The following UBR4 variants were observed in gnomAD, a reference collection of about 807,000 sequenced individuals.
UBR4 encodes E3 ubiquitin-protein ligase UBR4.
Under a neutral mutation model 575.6 loss-of-function variants are expected in UBR4, and 124 were observed. The ratio of observed to expected loss-of-function variants is 0.22; its 90% CI spans 0.19 to 0.25. UBR4 has a LOEUF of 0.25. UBR4 is among the 10% of genes least tolerant of loss of function. The pLI, the probability that UBR4 is intolerant of heterozygous loss-of-function variation, is 1.00. For missense variants in UBR4, 4,818 were observed against 6,478.8 expected, an observed-to-expected ratio of 0.74 and a Z score of 8.80; for synonymous variants, 2,455 against 2,473.7, an observed-to-expected ratio of 0.99 and a Z score of 0.22.
Position 19,166,651 on chromosome 1 carries a change from G to GAGGATCAC in UBR4, c.4109+363_4109+370dup, listed in dbSNP as rs1166364522. On this transcript the variant is annotated intron_variant, in intron 29 of 105. Coordinates refer to ENST00000375254, the MANE Select transcript of UBR4 (RefSeq NM_020765.3). ...CCAGCATTTTGGGAGGCCAAGATGGGAGGATCACTTGAGCTCAGGAGTTCA... is the reference window on the plus strand; with the variant it reads ...CCAGCATTTTGGGAGGCCAAGATGGGAGGATCACAGGATCACTTGAGCTCAGGAGTTCA... Among the ~76,000 whole-genome samples, 6 of 138,546 alleles carry GAGGATCAC rather than the reference G, an allele frequency of 4.3e-5. No homozygotes were observed. The South Asian group carries it at 1.4e-3, about 33-fold the overall frequency. 90.9% of individuals were successfully genotyped at this position (138,546 alleles called of 152,430 possible).
At chr1:19,124,782 G>A in intron 64 of UBR4, 92 bp from the exon 65 acceptor site, 1 of 1,502,990 alleles carries the variant, frequency 6.7e-7, no homozygotes, top group Non-Finnish European at 9.0e-7. Context: ...CGTATTACAT[G>A]TTGGAGGTGG....
chr1:19,084,657 G>T lies in UBR4; in HGVS notation c.14855C>A (p.Pro4952His). 2 of 1,613,960 alleles carry T rather than the reference G, an allele frequency of 1.2e-6. No individual in the cohort carries two copies. Among genetic ancestry groups the T allele is most frequent in the South Asian group, 1.1e-5 (1 of 90,998 alleles). ...YLQECTGQRE[P>H]TYQLNIHDIK... ...GTCATGGATGTTGAGCTGATACGTG[G>T]GCTCCCGCTGGCCTGTACATTCCTG... The change falls in exon 102 of 106, where the codon CCC (proline) becomes CAC (histidine). Residue 4952 changes from proline to histidine, a missense_variant. This residue lies in a region of UBR4 where 196 missense variants were observed against 386.8 expected (regional missense o/e 0.51). Transcript: ENST00000375254.
At chr1:19,123,451 TA>T (rs35963937) in intron 65 of UBR4, among the ~76,000 whole-genome samples, 130 of 135,786 alleles carry the variant, frequency 9.6e-4, no homozygotes, top group East Asian at 7.7e-3. Context: ...GACTTGGTCT[TA>T]AAAAAAAAAA....
At chr1:19,124,956 T>C (rs1284726354) in intron 64 of UBR4, among the ~76,000 whole-genome samples, 1 of 151,914 alleles carries the variant, frequency 6.6e-6, no homozygotes, top group Admixed American at 6.6e-5. Flanking sequence ...GTTTTTGACA[T>C]TGGGTTGATT....
At chr1:19,078,183 C>T (rs2076143965) in intron 103 of UBR4, 117 bp from the exon 104 acceptor site, 1 of 1,023,508 alleles carries the variant, frequency 9.8e-7, no homozygotes, top group African/African-American at 1.6e-5. Context: ...TCTCGGAGTT[C>T]CAGCGACTAG....
chr1:19,151,765 G>T lies in UBR4; in HGVS notation c.7091C>A (p.Ala2364Asp). The change falls in exon 48 of 106, where the codon GCC becomes GAC. Residue 2364 changes from alanine to aspartate, a missense_variant. Physicochemically the swap from Ala to Asp is moderately radical, Grantham distance 126. Coordinates refer to ENST00000375254, the MANE Select transcript of UBR4 (RefSeq NM_020765.3). ...IQIGTQAIER[A>D]PSYIEIFGRT... ...GCCGAAGATCTCGATATATGACGGGGCCCGTTCTATTGCTTGAGTCCCAAT... is the reference window on the plus strand; with the variant it reads ...GCCGAAGATCTCGATATATGACGGGTCCCGTTCTATTGCTTGAGTCCCAAT... The T allele has an allele frequency of 6.2e-7, 1 of 1,614,198 alleles. No homozygotes were observed. The highest frequency in any genetic ancestry group is 8.5e-7 in the Non-Finnish European group (1 of 1,180,038).
chr1:19,204,504 A>G (rs767660631), intron 1 of UBR4, among the ~76,000 whole-genome samples: 12 of 150,762 alleles, frequency 8.0e-5, no homozygotes, highest in Non-Finnish European at 1.6e-4. Flanking sequence ...TTGCTTTCAT[A>G]CCCATTCTGA....
At position 19,100,982 on chromosome 1, in the gene UBR4, T is replaced by C. The variant is rs964487548; in HGVS notation, c.13024-409A>G. Among the ~76,000 whole-genome samples the C allele has an allele frequency of 6.6e-6, 1 of 152,110 alleles. No homozygotes were observed. The highest frequency in any genetic ancestry group is 1.5e-5 in the Non-Finnish European group (1 of 68,032). On this transcript the variant is annotated intron_variant, in intron 88 of 105. Transcript: ENST00000375254. This position sits in a 1 kb window ranked among gnomAD's most constrained non-coding sequence, Gnocchi z 4.2. ...CCTGAAGTCAAGAAAAGGGCTTCTCTATGGGACATGACACTCAGGTACACA... is the reference window on the plus strand; with the variant it reads ...CCTGAAGTCAAGAAAAGGGCTTCTCCATGGGACATGACACTCAGGTACACA...
rs532939003 is a variant in UBR4 at position 19,128,247 on chromosome 1, G to C, written c.9075C>G (p.Leu3025=). The change falls in exon 62 of 106, where the codon CTC becomes CTG. Residue 3025 remains leucine (L), a synonymous_variant. Coordinates refer to ENST00000375254, the MANE Select transcript of UBR4 (RefSeq NM_020765.3). The part of the protein sequence containing the change: ...EKDKGALDNL[L]SQLIAELGMD... ...TACCCAACTCAGCAATAAGCTGGGA[G>C]AGCAGGTTGTCTAGGGCCCCCTTGT... is the stretch of plus-strand genomic sequence containing the variant. 1.5e-5 allele frequency: 24 copies of C among 1,614,098 alleles called. No individual in the cohort carries two copies. The Admixed American group carries it at 2.0e-4, about 13-fold the overall frequency.
At chr1:19,178,943 C>T in intron 18 of UBR4, 108 bp downstream of exon 18, 1 of 1,388,800 alleles carries the variant, frequency 7.2e-7, no homozygotes. Context: ...CCACTCTAAA[C>T]ATTATCATTA....
chr1:19,111,189 A>G (rs1180511788), intron 78 of UBR4, among the ~76,000 whole-genome samples: 3 of 152,208 alleles, frequency 2.0e-5, no homozygotes, highest in African/African-American at 7.2e-5. Context: ...TGTCTTCTCC[A>G]TCTGCCTGCA....
chr1:19,105,625 T>A, intron 84 of UBR4, 108 bp downstream of exon 84: 1 of 829,762 alleles, frequency 1.2e-6, no homozygotes, highest in South Asian at 2.3e-5. Flanking sequence ...TGGGGTCTTC[T>A]ACCCAGAGGT....
Position 19,081,373 on chromosome 1 carries a change from G to C in UBR4, c.15209C>G (p.Ala5070Gly). Residue 5070 changes from alanine (A) to glycine (G), a missense_variant, in exon 103 of 106, where the codon GCA (alanine) becomes GGA (glycine). Coordinates refer to ENST00000375254, the MANE Select transcript of UBR4 (RefSeq NM_020765.3). ...CCTGGTGGCTCCACCTGGAGCCACT[G>C]CCCGAGCCTGCGAGGTCACCAACAG... ...RRLLVTSQAR[A>G]VAPGGATRLT... The C allele has an allele frequency of 6.2e-7, 1 of 1,608,784 alleles. No homozygotes were observed.
Position 19,093,914 on chromosome 1 carries a change from C to A in UBR4, c.13937+35G>T. The A allele has an allele frequency of 6.3e-7, 1 of 1,589,858 alleles. No homozygotes were observed. The highest frequency in any genetic ancestry group is 2.2e-5 in the East Asian group (1 of 44,532). On this transcript the variant is annotated intron_variant, in intron 95 of 105. Coordinates refer to ENST00000375254, the MANE Select transcript of UBR4 (RefSeq NM_020765.3). The surrounding 1 kb of genome is among the most constrained non-coding windows in gnomAD (Gnocchi z 4.8). The stretch of plus-strand genomic sequence containing the variant: ...ACCTAGTTCGGCGTTTTAGTGGAGA[C>A]TCTCATTTCACTATATGAAATCAAA...
intron 4 of UBR4, 58 bp downstream of exon 4, chr1:19,198,741 C>T (rs2092600552): frequency 6.2e-7 from 1 of 1,612,254 alleles, no homozygotes; most frequent in Non-Finnish European, 8.5e-7. Context: ...GCAAAGGTGC[C>T]ATGGAAAAGG....
intron 39 of UBR4, among the ~76,000 whole-genome samples, chr1:19,159,858 G>A (rs933333897): frequency 2.0e-5 from 3 of 150,406 alleles, no homozygotes; most frequent in Non-Finnish European, 4.4e-5. Flanking sequence ...ACCTGCTTCA[G>A]GCATCCCAAA....
chr1:19,103,987 C>A, intron 87 of UBR4, 97 bp downstream of exon 87: 1 of 1,438,996 alleles, frequency 6.9e-7, no homozygotes, highest in Middle Eastern at 2.5e-4. Flanking sequence ...TGCCACCCCT[C>A]CTCTGGATCT....
chr1:19,077,775 A>G lies in UBR4; in HGVS notation c.15324+201T>C, dbSNP rs1282603327. 4.6e-6 allele frequency: 7 copies of G among 1,510,176 alleles called. No individual in the cohort carries two copies. The South Asian group carries it at 8.4e-5, about 18-fold the overall frequency. The allele number at this position is 1,510,176 out of a possible 1,614,324, so 93.5% of individuals were successfully genotyped here. A position where few individuals can be genotyped will look rare whatever the true frequency, so the allele number is the denominator to read the frequency against. ...ACCAAACCAAACAAAACCAAACAAAACAAATGTACCTCACAGACACAAGGC... is the reference window on the plus strand; with the variant it reads ...ACCAAACCAAACAAAACCAAACAAAGCAAATGTACCTCACAGACACAAGGC... On this transcript the variant is annotated intron_variant, in intron 104 of 105. Transcript: ENST00000375254.
At chr1:19,120,463 T>A in intron 68 of UBR4, 115 bp from the exon 69 acceptor site, 1 of 1,308,122 alleles carries the variant, frequency 7.6e-7, no homozygotes, top group Non-Finnish European at 1.0e-6. Flanking sequence ...TAAAAGTTTC[T>A]ACTGAATGCT....
Sources: gnomAD v4.1 joint callset for allele counts (sites outside exome capture counted in the v4.1 genomes callset) on GRCh38, gnomAD v4.1.1 for gene constraint, gnomAD v4.1.1 regional missense constraint, Gnocchi (gnomAD v3.1) non-coding constraint, MANE v1.5 for transcripts, NCBI Gene and HGNC (gene_info 2026-07-23, HGNC 2026-07-21) for gene names.